Variants in RPL26L1 observed in about 807,000 individuals in gnomAD.
The protein encoded by RPL26L1 is ribosomal protein uL24-like.
In RPL26L1, 8 loss-of-function variants were observed where a neutral mutation model predicts 15.2. That is an observed-to-expected ratio of 0.53 (90% CI 0.31 to 0.95). RPL26L1 has a LOEUF of 0.95. Ranked by LOEUF, RPL26L1 falls within the 40% of genes least tolerant of loss-of-function variation. RPL26L1 has a pLI of 0.05. For synonymous variants in RPL26L1, 51 were observed against 65.9 expected, an observed-to-expected ratio of 0.77 and a Z score of 1.09; for missense variants, 146 against 190.9, an observed-to-expected ratio of 0.76 and a Z score of 1.39.
At chr5:172,958,463 G>C (rs1245494468), upstream of RPL26L1, 1 of 455,938 alleles carries the variant, frequency 2.2e-6, no homozygotes, top group Non-Finnish European at 4.4e-6. Flanking sequence ...AACATATATG[G>C]AATGAATGAA....
At chr5:172,966,048 G>A (rs775184884) in intron 2 of RPL26L1, among the ~76,000 whole-genome samples, 17 of 152,062 alleles carry the variant, frequency 1.1e-4, no homozygotes, top group East Asian at 3.8e-4. Flanking sequence ...CAGTCTAGTC[G>A]ACCAGCCGAC....
chr5:172,958,485 GT>G (rs1755070221), upstream of RPL26L1: 2 of 455,466 alleles, frequency 4.4e-6, no homozygotes, highest in Non-Finnish European at 8.8e-6. Context: ...GAAAGGGAGA[GT>G]TGGAGTTAAT....
intron 3 of RPL26L1, among the ~76,000 whole-genome samples, chr5:172,969,151 T>C (rs1004252677): frequency 1.3e-5 from 2 of 152,126 alleles, no homozygotes; most frequent in Non-Finnish European, 2.9e-5. Flanking sequence ...CCAAGTGTTC[T>C]AGGCATCACT....
upstream of RPL26L1, chr5:172,958,394 C>T (rs1755064247): frequency 4.4e-6 from 2 of 456,170 alleles, no homozygotes; most frequent in South Asian, 3.1e-5. Context: ...GCTGTACTTG[C>T]AAGACATCTT....
upstream of RPL26L1, chr5:172,955,159 G>A (rs1343262562): frequency 3.6e-5 from 13 of 359,364 alleles, no homozygotes; most frequent in East Asian, 7.4e-5. Context: ...TTTTTGAGAC[G>A]GAGTCATTGC....
chr5:172,968,741 C>T, intron 3 of RPL26L1, 142 bp downstream of exon 3: 1 of 656,734 alleles, frequency 1.5e-6, no homozygotes, highest in South Asian at 2.5e-5. Flanking sequence ...GTGATATCAT[C>T]AAGGATCCAG....
chr5:172,965,513 G>T (rs1440918753), intron 2 of RPL26L1, among the ~76,000 whole-genome samples: 2 of 152,096 alleles, frequency 1.3e-5, no homozygotes, highest in East Asian at 3.9e-4. Flanking sequence ...TCACTTTACT[G>T]TTAATGGCCT....
chr5:172,962,316 G>A (rs1205527852), intron 2 of RPL26L1, among the ~76,000 whole-genome samples: 11 of 151,958 alleles, frequency 7.2e-5, no homozygotes, highest in East Asian at 5.8e-4. Context: ...AGACCAGCCT[G>A]GGAAACATGG....
chr5:172,969,335 A>G (rs1264643114), intron 3 of RPL26L1, 78 bp from the exon 4 acceptor site: 1 of 1,460,582 alleles, frequency 6.8e-7, no homozygotes. Flanking sequence ...CTGAGGTCTT[A>G]CTTAACTTAT....
upstream of RPL26L1, chr5:172,958,427 C>T: frequency 2.2e-6 from 1 of 456,194 alleles, no homozygotes. Context: ...TTCAGCATGC[C>T]GGCATTTGGC....
At chr5:172,963,704 A>T (rs1392437404) in intron 2 of RPL26L1, among the ~76,000 whole-genome samples, 3 of 152,246 alleles carry the variant, frequency 2.0e-5, no homozygotes, top group Non-Finnish European at 4.4e-5. Flanking sequence ...CAGTAAGCAC[A>T]ATTTGAAATC....
chr5:172,959,387 T>G, upstream of RPL26L1: 1 of 1,005,222 alleles, frequency 9.9e-7, no homozygotes, highest in Non-Finnish European at 1.2e-6. Context: ...GAAATGGGGC[T>G]TCGATGTCTT....
At chr5:172,966,096 G>A (rs1755438890) in intron 2 of RPL26L1, among the ~76,000 whole-genome samples, 1 of 151,562 alleles carries the variant, frequency 6.6e-6, no homozygotes, top group Non-Finnish European at 1.5e-5. Context: ...TCTTCACTAT[G>A]TCCAGAGGTT....
intron 3 of RPL26L1, 84 bp downstream of exon 3, chr5:172,968,683 A>G: frequency 6.5e-7 from 1 of 1,527,868 alleles, no homozygotes; most frequent in Non-Finnish European, 9.0e-7. Context: ...TACTCCCTGC[A>G]CAGTTGGCTG....
At chr5:172,954,925 G>A (rs1561751498), upstream of RPL26L1, 1 of 456,114 alleles carries the variant, frequency 2.2e-6, no homozygotes, top group Non-Finnish European at 4.4e-6. Context: ...GTGCGTGACA[G>A]GTTGGGAGCT....
In RPL26L1 at chr5:172,961,651, C is replaced by T. The variant is rs1283359998; in HGVS notation, c.168+1610C>T. Among the ~76,000 whole-genome samples, 8 of 152,224 alleles carry T rather than the reference C, an allele frequency of 5.3e-5. No individual in the cohort carries two copies. In the East Asian group the frequency reaches 1.5e-3, roughly 29 times the overall value. ...ATAGAACCTACTTTGACGTAGATCA[C>T]TAATAATCCCTTCGTGACTGAATCC... On this transcript the variant is annotated intron_variant, in intron 2 of 3. Transcript: ENST00000265100.
At chr5:172,966,981 G>A (rs768481503) in intron 2 of RPL26L1, among the ~76,000 whole-genome samples, 5 of 150,848 alleles carry the variant, frequency 3.3e-5, no homozygotes, top group Non-Finnish European at 5.9e-5. Context: ...TCAGCCCCCC[G>A]AGTAGCTGGG....
chr5:172,961,315 A>G (rs879333667), intron 2 of RPL26L1, among the ~76,000 whole-genome samples: 1 of 152,116 alleles, frequency 6.6e-6, no homozygotes, highest in African/African-American at 2.4e-5. Context: ...GAATGGGGGA[A>G]TTGCAAATAC....
upstream of RPL26L1, chr5:172,959,267 C>G (rs1216852538): frequency 1.9e-6 from 1 of 534,642 alleles, no homozygotes. Flanking sequence ...GCAGGCCCTA[C>G]ACAAGCAGGC....
Sources: allele counts gnomAD v4.1 joint callset (sites outside exome capture counted in the v4.1 genomes callset), GRCh38; gene constraint gnomAD v4.1.1; transcripts MANE v1.5; gene names NCBI Gene and HGNC (gene_info 2026-07-23, HGNC 2026-07-21).